The following CCDC85A variants were observed in gnomAD, a reference collection of about 807,000 sequenced individuals.
CCDC85A encodes coiled-coil domain containing 85A.
Under a neutral mutation model 50.2 loss-of-function variants are expected in CCDC85A, and 38 were observed. The observed-to-expected ratio is 0.76, with a 90% CI of 0.58 to 0.99. The LOEUF (loss-of-function observed/expected upper bound fraction) is 0.99, where lower values mean the gene tolerates loss of function less well. CCDC85A is among the 50% of genes least tolerant of loss of function. The pLI is 0.00. For synonymous variants in CCDC85A, 366 were observed against 301.4 expected (o/e 1.21, Z -2.22); for missense variants, 820 against 742.0 (o/e 1.11, Z -1.22).
At chr2:56,281,041 T>G (rs540223705) in intron 2 of CCDC85A, among the ~76,000 whole-genome samples, 1 of 152,284 alleles carries the variant, frequency 6.6e-6, no homozygotes, top group East Asian at 1.9e-4. Flanking sequence ...AATACTTAAA[T>G]AAAGATTTAG....
chr2:56,215,229 C>T (rs1677340978), intron 2 of CCDC85A, among the ~76,000 whole-genome samples: 1 of 151,888 alleles, frequency 6.6e-6, no homozygotes, highest in South Asian at 2.1e-4. Context: ...TATCCTCTGA[C>T]CTATACTTGC....
At chr2:56,268,532 T>A (rs1317778202) in intron 2 of CCDC85A, among the ~76,000 whole-genome samples, 7 of 149,354 alleles carry the variant, frequency 4.7e-5, no homozygotes, top group African/African-American at 1.7e-4. Context: ...GAGGCGGAGG[T>A]TGCAGTGAGC....
chr2:56,262,173 T>A (rs929330328), intron 2 of CCDC85A, among the ~76,000 whole-genome samples: 2 of 152,162 alleles, frequency 1.3e-5, no homozygotes, highest in African/African-American at 4.8e-5. Context: ...CCTGTGGCTG[T>A]GCAATTACCC....
chr2:56,285,809 C>G (rs949729278), intron 2 of CCDC85A, among the ~76,000 whole-genome samples: 6 of 152,080 alleles, frequency 3.9e-5, no homozygotes, highest in Middle Eastern at 3.4e-3. Context: ...CACATATGCA[C>G]TATTTCCAGT....
chr2:56,369,637 C>A (rs1187413175), intron 3 of CCDC85A, among the ~76,000 whole-genome samples: 1 of 152,108 alleles, frequency 6.6e-6, no homozygotes, highest in Non-Finnish European at 1.5e-5. Flanking sequence ...TACTTTATTA[C>A]TGAGGTTTCC....
intron 2 of CCDC85A, among the ~76,000 whole-genome samples, chr2:56,337,717 T>C (rs191340739): frequency 1.3e-5 from 2 of 152,216 alleles, no homozygotes; most frequent in African/African-American, 4.8e-5. Flanking sequence ...AATTTCAAAT[T>C]ACCTTATTGT....
intron 2 of CCDC85A, among the ~76,000 whole-genome samples, chr2:56,200,109 T>C (rs561631806): frequency 7.0e-4 from 107 of 152,322 alleles, no homozygotes; most frequent in African/African-American, 2.5e-3. Flanking sequence ...CCTGCTGATC[T>C]ACCTGCCTCT....
chr2:56,224,964 G>T (rs1668482081), intron 2 of CCDC85A, among the ~76,000 whole-genome samples: 1 of 151,950 alleles, frequency 6.6e-6, no homozygotes, highest in South Asian at 2.1e-4. Flanking sequence ...TTATTGCCAT[G>T]CTTTTAAAGT....
At chr2:56,380,045 A>G (rs1251087589) in intron 5 of CCDC85A, among the ~76,000 whole-genome samples, 2 of 152,174 alleles carry the variant, frequency 1.3e-5, no homozygotes, top group East Asian at 1.9e-4. Context: ...AGAATATTCA[A>G]TTTAGAGATG....
At chr2:56,325,147 T>C (rs1350068534) in intron 2 of CCDC85A, among the ~76,000 whole-genome samples, 2 of 152,082 alleles carry the variant, frequency 1.3e-5, no homozygotes, top group Admixed American at 6.6e-5. Context: ...TCTGTGATAA[T>C]ATAAAATTAA....
intron 2 of CCDC85A, among the ~76,000 whole-genome samples, chr2:56,254,137 T>C (rs754828516): frequency 6.6e-6 from 1 of 152,176 alleles, no homozygotes; most frequent in Non-Finnish European, 1.5e-5. Context: ...ACATTTTCCC[T>C]CTTAGCAGGC....
chr2:56,342,630 G>A (rs1354262365), intron 2 of CCDC85A, among the ~76,000 whole-genome samples: 1 of 152,082 alleles, frequency 6.6e-6, no homozygotes, highest in Non-Finnish European at 1.5e-5. Flanking sequence ...TCAATTGTGT[G>A]TACTACCACC....
At chr2:56,201,456 T>C (rs1428259028) in intron 2 of CCDC85A, among the ~76,000 whole-genome samples, 1 of 152,182 alleles carries the variant, frequency 6.6e-6, no homozygotes, top group Non-Finnish European at 1.5e-5. Flanking sequence ...CTCAGAATTT[T>C]GCCTTCTGGT....
At chr2:56,287,995 T>C (rs1671522801) in intron 2 of CCDC85A, among the ~76,000 whole-genome samples, 1 of 152,022 alleles carries the variant, frequency 6.6e-6, no homozygotes, top group African/African-American at 2.4e-5. Flanking sequence ...TGGGGAAGCT[T>C]TGGGGTCTCT....
intron 2 of CCDC85A, among the ~76,000 whole-genome samples, chr2:56,304,896 T>TAAA (rs201973733): frequency 2.4e-5 from 3 of 124,778 alleles, no homozygotes; most frequent in African/African-American, 8.8e-5. Flanking sequence ...TAAATATAAC[T>TAAA]AAAAAAAACA....
At chr2:56,276,372 A>G (rs1031071276) in intron 2 of CCDC85A, among the ~76,000 whole-genome samples, 8 of 152,046 alleles carry the variant, frequency 5.3e-5, no homozygotes, top group Admixed American at 3.9e-4. Context: ...TTGGTGAGTG[A>G]TTCGGTTTGA....
intron 2 of CCDC85A, among the ~76,000 whole-genome samples, chr2:56,236,924 C>G (rs376044913): frequency 1.7e-4 from 26 of 152,220 alleles, no homozygotes; most frequent in African/African-American, 5.8e-4. Context: ...AGGTAGGGCC[C>G]CTTCCCTGTA....
chr2:56,353,729 C>T (rs376552114), intron 3 of CCDC85A, among the ~76,000 whole-genome samples: 4 of 152,096 alleles, frequency 2.6e-5, no homozygotes, highest in Non-Finnish European at 4.4e-5. Context: ...CTATGATACC[C>T]GATGAAGATC....
At chr2:56,231,700 C>G (rs1456791873) in intron 2 of CCDC85A, among the ~76,000 whole-genome samples, 6 of 151,978 alleles carry the variant, frequency 3.9e-5, no homozygotes, top group Non-Finnish European at 7.4e-5. Context: ...ATAATGTTAT[C>G]AACCCTAATA....
Sources: allele counts gnomAD v4.1 joint callset (sites outside exome capture counted in the v4.1 genomes callset), GRCh38; gene constraint gnomAD v4.1.1; transcripts MANE v1.5; gene names NCBI Gene and HGNC (gene_info 2026-07-23, HGNC 2026-07-21).